Variants in EIF2A observed in about 807,000 individuals in gnomAD.
EIF2A encodes the protein eukaryotic translation initiation factor 2A, also known as 65 kDa eukaryotic translation initiation factor 2A.
Under a neutral mutation model 75.2 loss-of-function variants are expected in EIF2A, and 62 were observed. The observed-to-expected ratio is 0.82, with a 90% confidence interval of 0.67 to 1.02. The LOEUF is 1.02. EIF2A is among the 50% of genes least tolerant of loss of function. The pLI is 0.00. For synonymous variants in EIF2A, 207 were observed against 239.0 expected, an observed-to-expected ratio of 0.87 and a Z score of 1.23; for missense variants, 611 against 677.7, an observed-to-expected ratio of 0.90 and a Z score of 1.09.
chr3:150,555,857 A>G (rs1021543356), intron 2 of EIF2A, among the ~76,000 whole-genome samples: 2 of 152,198 alleles, frequency 1.3e-5, no homozygotes, highest in South Asian at 4.1e-4. Flanking sequence ...AGCAAGTATG[A>G]TGGGATATAC....
intron 3 of EIF2A, among the ~76,000 whole-genome samples, chr3:150,560,059 T>C (rs1280183731): frequency 5.3e-5 from 8 of 152,202 alleles, no homozygotes; most frequent in Admixed American, 5.2e-4. Context: ...TTGTTTGTTT[T>C]TGAAGTATTC....
Position 150,564,367 on chromosome 3 carries a change from A to G in EIF2A, c.461A>G (p.Glu154Gly), listed in dbSNP as rs190403466. ...RNVNNEVHFF[E>G]NNNFNTIANK... Reference sequence around the variant, plus strand: ...GTTAACAATGAAGTTCACTTCTTTGAAAACAACAATTTTAGTATGGAAAGA... The same window carrying G: ...GTTAACAATGAAGTTCACTTCTTTGGAAACAACAATTTTAGTATGGAAAGA... The change falls in exon 6 of 14, where the codon GAA becomes GGA. Residue 154 changes from glutamate to glycine, a missense_variant. Transcript: ENST00000460851. 86 of 1,599,030 alleles carry G rather than the reference A, an allele frequency of 5.4e-5. No homozygotes were observed. Among genetic ancestry groups the G allele is most frequent in the Middle Eastern group, 5.1e-4 (3 of 5,846 alleles).
At position 150,562,541 on chromosome 3, in the gene EIF2A, G is replaced by C; in HGVS notation, c.174-1G>C. The C allele has an allele frequency of 1.2e-6, 2 of 1,608,046 alleles. No homozygotes were observed. The highest frequency in any genetic ancestry group is 2.2e-5 in the East Asian group (1 of 44,770). ...GCTGAAATAATTTCTTTTGAAACCA[G>C]AGTAAATATTATCAGTGTCACTAAC... On this transcript the variant is annotated splice_acceptor_variant, in intron 3 of 13. Transcript: ENST00000460851. LOFTEE classifies it high-confidence loss of function.
At chr3:150,583,569 CCT>C (rs1402576559) in intron 13 of EIF2A, among the ~76,000 whole-genome samples, 4 of 151,954 alleles carry the variant, frequency 2.6e-5, no homozygotes, top group Admixed American at 2.6e-4. Flanking sequence ...GTTGTACTGC[CCT>C]GTTTGCCTTT....
chr3:150,575,626 A>G (rs1485174218), intron 10 of EIF2A, 23 bp from the exon 11 acceptor site: 3 of 1,578,468 alleles, frequency 1.9e-6, no homozygotes, highest in African/African-American at 1.4e-5. Context: ...CTCCATTTCA[A>G]AATTATTTTA....
At chr3:150,577,338 G>A (rs1724933293) in intron 11 of EIF2A, among the ~76,000 whole-genome samples, 1 of 151,848 alleles carries the variant, frequency 6.6e-6, no homozygotes, top group African/African-American at 2.4e-5. Flanking sequence ...AGGGTTTTTG[G>A]ATGTTTTGTT....
chr3:150,563,458 A>G (rs1723994205), intron 4 of EIF2A, 57 bp from the exon 5 acceptor site: 1 of 1,367,770 alleles, frequency 7.3e-7, no homozygotes, highest in African/African-American at 1.5e-5. Flanking sequence ...AATAAGAAAA[A>G]TAATCCCTTT....
chr3:150,574,620 A>G (rs1724752346), intron 10 of EIF2A, among the ~76,000 whole-genome samples: 1 of 152,250 alleles, frequency 6.6e-6, no homozygotes, highest in Non-Finnish European at 1.5e-5. Flanking sequence ...CATAATATTC[A>G]GTTTGTTTCA....
chr3:150,562,419 CAA>C (rs5853482), intron 3 of EIF2A, 121 bp from the exon 4 acceptor site: 7,618 of 550,398 alleles, frequency 0.014, no homozygotes, highest in East Asian at 0.029. Context: ...GACTCCATCT[CAA>C]AAAAAAAAAA....
chr3:150,554,368 G>A (rs1293284405), intron 2 of EIF2A, among the ~76,000 whole-genome samples: 5 of 152,196 alleles, frequency 3.3e-5, no homozygotes, highest in African/African-American at 1.2e-4. Flanking sequence ...CCAAGTGGTT[G>A]ATGAGAAAAA....
chr3:150,572,390 C>T lies in EIF2A; in HGVS notation c.1244C>T (p.Pro415Leu). The T allele has an allele frequency of 1.2e-6, 2 of 1,613,966 alleles. No individual in the cohort carries two copies. Among genetic ancestry groups the T allele is most frequent in the Non-Finnish European group, 1.7e-6 (2 of 1,179,872 alleles). ...NAELWQVSWQ[P>L]FLDGIFPAKT... The stretch of plus-strand genomic sequence containing the variant: ...GAATTATGGCAGGTTTCTTGGCAGC[C>T]ATTTTTGGATGGAATATTTCCAGCA... The change falls in exon 10 of 14, where the codon CCA (proline) becomes CTA (leucine). Residue 415 changes from proline (P) to leucine (L), a missense_variant. Coordinates refer to ENST00000460851, the MANE Select transcript of EIF2A (RefSeq NM_032025.5).
chr3:150,580,774 C>T lies in EIF2A; in HGVS notation c.1498-844C>T, dbSNP rs191404027. Among the ~76,000 whole-genome samples, 32 of 152,288 alleles carry T rather than the reference C, an allele frequency of 2.1e-4. No homozygotes were observed. The East Asian group carries it at 3.7e-3, about 17-fold the overall frequency. ...TAAAATAAGGGTTACTTAAACACAA[C>T]TACTGTTGATACTGTGACAGTCGAT... On this transcript the variant is annotated intron_variant, in intron 11 of 13. Coordinates refer to ENST00000460851, the MANE Select transcript of EIF2A (RefSeq NM_032025.5).
At chr3:150,578,808 C>T (rs1725019219) in intron 11 of EIF2A, among the ~76,000 whole-genome samples, 1 of 152,168 alleles carries the variant, frequency 6.6e-6, no homozygotes. Flanking sequence ...GACAGAATCT[C>T]ACCTTATCCA....
At chr3:150,566,902 A>C (rs754145259) in intron 6 of EIF2A, 4 of 152,258 alleles carry the variant, frequency 2.6e-5, no homozygotes, top group Non-Finnish European at 4.4e-5. Context: ...CACACGTACC[A>C]AAGATGGCAT....
At chr3:150,575,944 T>C (rs747370195) in intron 11 of EIF2A, among the ~76,000 whole-genome samples, 182 bp downstream of exon 11, 4 of 151,992 alleles carry the variant, frequency 2.6e-5, no homozygotes, top group Non-Finnish European at 5.9e-5. Flanking sequence ...CAAAAATTAG[T>C]TGGCCATGGC....
At position 150,563,568 on chromosome 3, in the gene EIF2A, A is replaced by C; in HGVS notation, c.346A>C (p.Thr116Pro). 1 of 1,543,554 alleles carries C rather than the reference A, an allele frequency of 6.5e-7. No homozygotes were observed. The highest frequency in any genetic ancestry group is 8.7e-7 in the Non-Finnish European group (1 of 1,145,564). Residue 116 changes from threonine to proline, a missense_variant, in exon 5 of 14, where the codon ACT becomes CCT. Physicochemically the swap from Thr to Pro is conservative, Grantham distance 38. Coordinates refer to ENST00000460851, the MANE Select transcript of EIF2A (RefSeq NM_032025.5). ...CAACCTACAACTTTATGATGTGAAA[A>C]CTGGGACATGTTTGAAATCTTTCAT... Reference protein sequence around the residue: ...IPNLQLYDVKTGTCLKSFIQK... With the variant: ...IPNLQLYDVKPGTCLKSFIQK...
intron 9 of EIF2A, among the ~76,000 whole-genome samples, chr3:150,571,637 TA>T (rs943914752): frequency 3.9e-5 from 6 of 152,108 alleles, no homozygotes; most frequent in African/African-American, 1.4e-4. Flanking sequence ...AATAAATAAA[TA>T]AATTAGTTTG....
chr3:150,564,593 G>T (rs1450579326), intron 6 of EIF2A: 3 of 367,246 alleles, frequency 8.2e-6, no homozygotes, highest in Non-Finnish European at 1.5e-5. Flanking sequence ...TTATTATCTG[G>T]TAATTGCTAT....
chr3:150,561,052 T>G (rs1019994581), intron 3 of EIF2A, among the ~76,000 whole-genome samples: 2 of 152,172 alleles, frequency 1.3e-5, no homozygotes, highest in Non-Finnish European at 2.9e-5. Context: ...CTTTTAGAGA[T>G]TGCTCTTGAG....
Sources: allele counts gnomAD v4.1 joint callset (sites outside exome capture counted in the v4.1 genomes callset), GRCh38; gene constraint gnomAD v4.1.1; transcripts MANE v1.5; gene names NCBI Gene and HGNC (gene_info 2026-07-23, HGNC 2026-07-21).